Variants in ITPR3 observed in about 807,000 individuals in gnomAD.
ITPR3 encodes the protein inositol 1,4,5-trisphosphate receptor type 3, also known as inositol 1,4,5-trisphosphate-gated calcium channel ITPR3.
In ITPR3, 173 loss-of-function variants were observed where a neutral mutation model predicts 293.2. The ratio of observed to expected loss-of-function variants is 0.59; its 90% CI spans 0.52 to 0.67. The LOEUF (loss-of-function observed/expected upper bound fraction) is 0.67, where lower values mean the gene tolerates loss of function less well. Among genes scored for constraint, ITPR3 ranks in the 30% least tolerant of loss-of-function variants. The probability of loss-of-function intolerance (pLI) is 0.00; values close to 1 mark genes in which losing one functional copy is unlikely to be tolerated. For synonymous variants in ITPR3, 1,295 were observed against 1,444.4 expected (o/e 0.90, Z 2.35); for missense variants, 2,796 against 3,592.1 (o/e 0.78, Z 5.66).
At chr6:33,641,313 C>G (rs936236524) in intron 2 of ITPR3, among the ~76,000 whole-genome samples, 1 of 152,188 alleles carries the variant, frequency 6.6e-6, no homozygotes, top group Non-Finnish European at 1.5e-5. Context: ...AGGGTGGGAG[C>G]AGGCAGCAAC....
Position 33,691,076 on chromosome 6 carries a change from G to A in ITPR3, c.7192G>A (p.Glu2398Lys), listed in dbSNP as rs2229641. The change falls in exon 52 of 58, where the codon GAG (glutamate) becomes AAG (lysine). Residue 2398 changes from glutamate (E) to lysine (K), a missense_variant. Glu to Lys is a moderately conservative substitution (Grantham distance 56, BLOSUM62 1). Coordinates refer to ENST00000605930, the MANE Select transcript of ITPR3 (RefSeq NM_002224.4). The surrounding 1 kb of genome is among the most constrained non-coding windows in gnomAD (Gnocchi z 4.9). ...FLFLKDDFIL[E>K]VDRLPNNHST... ...CTTCCTCAAGGATGACTTCATTCTC[G>A]AGGTCGACCGGCTGCCCAACAACCA... The A allele has an allele frequency of 1.9e-6, 3 of 1,614,106 alleles. No homozygotes were observed. The highest frequency in any genetic ancestry group is 1.3e-5 in the African/African-American group (1 of 75,008).
rs1764604195 is a variant in ITPR3, at chr6:33,666,134, T to C, written c.1551+158T>C. On this transcript the variant is annotated intron_variant, in intron 14 of 57. Coordinates refer to ENST00000605930, the MANE Select transcript of ITPR3 (RefSeq NM_002224.4). This position sits in a 1 kb window ranked among gnomAD's most constrained non-coding sequence, Gnocchi z 5.1. ...TAAGTACCCCACATGTGTTGACGAA[T>C]TTGATCCTCACTGCCTGGAGGAGGC... 1.3e-5 allele frequency among the ~76,000 whole-genome samples: 2 copies of C among 152,174 alleles called. No individual in the cohort carries two copies. Among genetic ancestry groups the C allele is most frequent in the African/African-American group, 2.4e-5 (1 of 41,432 alleles).
At chr6:33,639,614 G>A (rs1763902485) in intron 1 of ITPR3, among the ~76,000 whole-genome samples, 1 of 152,114 alleles carries the variant, frequency 6.6e-6, no homozygotes, top group Non-Finnish European at 1.5e-5. Context: ...TGACACGGTG[G>A]GTGATCAGCA....
rs187841491 is a variant in ITPR3 at position 33,667,319 on chromosome 6, C to A, written c.1713+29C>A. On this transcript the variant is annotated intron_variant, in intron 15 of 57. Coordinates refer to ENST00000605930, the MANE Select transcript of ITPR3 (RefSeq NM_002224.4). The surrounding 1 kb of genome is among the most constrained non-coding windows in gnomAD (Gnocchi z 4.4). ...CGCCGCTGCCCTGCTGGCCCACTCG[C>A]TGGCTGCACGTTCCTTCCTCAGCAA... 2 of 1,602,856 alleles carry A rather than the reference C, an allele frequency of 1.2e-6. No individual in the cohort carries two copies. Among genetic ancestry groups the A allele is most frequent in the African/African-American group, 2.7e-5 (2 of 74,616 alleles).
At chr6:33,689,024 T>C (rs1435086491) in intron 49 of ITPR3, among the ~76,000 whole-genome samples, 1 of 152,192 alleles carries the variant, frequency 6.6e-6, no homozygotes, top group Non-Finnish European at 1.5e-5. Flanking sequence ...CACGCATAGA[T>C]GTGTCAGCCA....
In ITPR3 at chr6:33,633,547, G is replaced by C. The variant is rs914534762; in HGVS notation, c.90-6937G>C. On this transcript the variant is annotated intron_variant, in intron 1 of 57. Transcript: ENST00000605930. This position sits in a 1 kb window ranked among gnomAD's most constrained non-coding sequence, Gnocchi z 5.2. ...CCGGGGCCGCCCTCCGCGGGCAGAC[G>C]AGCGGGGGAGAGCAGGAAAGCGCGG... 6.6e-6 allele frequency among the ~76,000 whole-genome samples: 1 copy of C among 151,992 alleles called. No individual in the cohort carries two copies. Among genetic ancestry groups the C allele is most frequent in the African/African-American group, 2.4e-5 (1 of 41,438 alleles).
chr6:33,684,871 G>T lies in ITPR3; in HGVS notation c.5235G>T (p.Lys1745Asn), dbSNP rs1421841519. The T allele has an allele frequency of 6.2e-7, 1 of 1,614,144 alleles. No individual in the cohort carries two copies. The highest frequency in any genetic ancestry group is 8.5e-7 in the Non-Finnish European group (1 of 1,180,020). ...KLVCDLITST[K>N]NEKIFQESIG... ...TATGCGACCTCATCACCAGCACCAAGAACGAGAAGATCTTCCAGGAGAGCA... is the reference window on the plus strand; with the variant it reads ...TATGCGACCTCATCACCAGCACCAATAACGAGAAGATCTTCCAGGAGAGCA... Residue 1745 changes from lysine (K) to asparagine (N), a missense_variant, in exon 39 of 58, where the codon AAG becomes AAT. Lys to Asn is a moderately conservative substitution (Grantham distance 94, BLOSUM62 0). Transcript: ENST00000605930. The surrounding 1 kb of genome is among the most constrained non-coding windows in gnomAD (Gnocchi z 4.2).
intron 1 of ITPR3, among the ~76,000 whole-genome samples, chr6:33,631,621 A>G (rs1416416730): frequency 6.6e-6 from 1 of 152,242 alleles, no homozygotes; most frequent in Non-Finnish European, 1.5e-5. Context: ...ATTGAAGCAC[A>G]GCACCACAGG....
chr6:33,667,780 C>A lies in ITPR3; in HGVS notation c.1714-12C>A. On this transcript the variant is annotated splice_polypyrimidine_tract_variant and intron_variant, in intron 15 of 57. Coordinates refer to ENST00000605930, the MANE Select transcript of ITPR3 (RefSeq NM_002224.4). The surrounding 1 kb of genome is among the most constrained non-coding windows in gnomAD (Gnocchi z 4.4). ...TGACTCTCTGTGACCCCCAGCCTGT[C>A]TGCCCCCCCAGGAGCACATTGCCAA... The A allele has an allele frequency of 2.5e-6, 4 of 1,613,704 alleles. No individual in the cohort carries two copies. Among genetic ancestry groups the A allele is most frequent in the Non-Finnish European group, 3.4e-6 (4 of 1,179,712 alleles).
At chr6:33,677,393 TC>T (rs1764935547) in intron 27 of ITPR3, 110 bp from the exon 28 acceptor site, 1 of 1,485,412 alleles carries the variant, frequency 6.7e-7, no homozygotes, top group Middle Eastern at 2.0e-4. Context: ...GCCTGTGACC[TC>T]CTTCCCCCTT....
intron 7 of ITPR3, among the ~76,000 whole-genome samples, chr6:33,661,842 AT>A (rs1362193537): frequency 1.7e-4 from 23 of 133,186 alleles, no homozygotes; most frequent in Non-Finnish European, 3.4e-5. Context: ...TAAAAATAAA[AT>A]AAATTAGCCG....
At chr6:33,659,437 G>T in intron 6 of ITPR3, 29 bp from the exon 7 acceptor site, 2 of 1,604,470 alleles carry the variant, frequency 1.2e-6, no homozygotes. Flanking sequence ...GGTCCACCTG[G>T]CGTCACGGGT....
intron 1 of ITPR3, among the ~76,000 whole-genome samples, chr6:33,627,565 A>G (rs1299087833): frequency 1.3e-5 from 2 of 152,226 alleles, no homozygotes; most frequent in Non-Finnish European, 2.9e-5. Flanking sequence ...TTTGCCCTGA[A>G]CATCCTAGTG....
chr6:33,637,255 T>C (rs960750823), intron 1 of ITPR3, among the ~76,000 whole-genome samples: 1 of 152,128 alleles, frequency 6.6e-6, no homozygotes, highest in Non-Finnish European at 1.5e-5. Context: ...TTCTGGTGCT[T>C]CTGACCAAAC....
At position 33,682,566 on chromosome 6, in the gene ITPR3, C is replaced by T. The variant is rs746407544; in HGVS notation, c.4519C>T (p.Arg1507Cys). 23 of 1,584,038 alleles carry T rather than the reference C, an allele frequency of 1.5e-5. No homozygotes were observed. Among genetic ancestry groups the T allele is most frequent in the Middle Eastern group, 1.7e-4 (1 of 6,018 alleles). Residue 1507 changes from arginine (R) to cysteine (C), a missense_variant, in exon 34 of 58, where the codon CGC becomes TGC. Coordinates refer to ENST00000605930, the MANE Select transcript of ITPR3 (RefSeq NM_002224.4). This position sits in a 1 kb window ranked among gnomAD's most constrained non-coding sequence, Gnocchi z 5.4. The part of the protein sequence containing the change: ...IVVQLLQSTT[R>C]LLECPWLQQQ... ...GGTGCAGCTGCTGCAGTCTACCACACGCCTCCTCGAGTGTCCGTGGCTACA... is the reference window on the plus strand; with the variant it reads ...GGTGCAGCTGCTGCAGTCTACCACATGCCTCCTCGAGTGTCCGTGGCTACA...
Position 33,666,114 on chromosome 6 carries a change from ACCCC to A in ITPR3, c.1551+139_1551+142del. ...CCACGTGCCAGGGACTTCCCTAAGT[ACCCC>A]ACATGTGTTGACGAATTTGATCCTC... is the stretch of plus-strand genomic sequence containing the variant. On this transcript the variant is annotated intron_variant, in intron 14 of 57. Transcript: ENST00000605930. The surrounding 1 kb of genome is among the most constrained non-coding windows in gnomAD (Gnocchi z 5.1). 1.0e-6 allele frequency: 1 copy of A among 970,722 alleles called. No individual in the cohort carries two copies. Among genetic ancestry groups the A allele is most frequent in the Non-Finnish European group, 1.5e-6 (1 of 677,138 alleles). The allele number at this position is 970,722 out of a possible 1,614,324, so 60.1% of individuals were successfully genotyped here.
At chr6:33,660,205 G>T (rs1383030918) in intron 7 of ITPR3, among the ~76,000 whole-genome samples, 2 of 152,146 alleles carry the variant, frequency 1.3e-5, no homozygotes, top group African/African-American at 4.8e-5. Context: ...AGCAGACGGG[G>T]TGTAGACGGT....
In ITPR3 at chr6:33,663,789, T is replaced by C. The variant is rs2127271395; in HGVS notation, c.1057T>C (p.Cys353Arg). 1.9e-6 allele frequency: 3 copies of C among 1,614,192 alleles called. No individual in the cohort carries two copies. The highest frequency in any genetic ancestry group is 2.5e-6 in the Non-Finnish European group (3 of 1,180,016). Residue 353 changes from cysteine to arginine, a missense_variant, in exon 11 of 58, where the codon TGC becomes CGC. Physicochemically the swap from Cys to Arg is radical, Grantham distance 180 (BLOSUM62 -3). This residue lies in a region of ITPR3 where 955 missense variants were observed against 1,180.8 expected (regional missense o/e 0.81). Coordinates refer to ENST00000605930, the MANE Select transcript of ITPR3 (RefSeq NM_002224.4). ...RRNAGEKIKY[C>R]LVAVPHGNDI... ...GAATGCTGGGGAGAAGATCAAGTAC[T>C]GCCTGGTGGCTGTGCCTCATGGCAA...
chr6:33,681,760 C>T (rs866380039), intron 33 of ITPR3, among the ~76,000 whole-genome samples: 17 of 152,156 alleles, frequency 1.1e-4, no homozygotes, highest in African/African-American at 3.1e-4. Flanking sequence ...TATTTTGACA[C>T]ACATTGTTTG....
Sources: allele counts gnomAD v4.1 joint callset (sites outside exome capture counted in the v4.1 genomes callset), GRCh38; gene constraint gnomAD v4.1.1; regional missense constraint gnomAD v4.1.1; non-coding constraint Gnocchi (gnomAD v3.1); transcripts MANE v1.5; gene names NCBI Gene and HGNC (gene_info 2026-07-23, HGNC 2026-07-21).